MMP2: variants seen among roughly 807,000 people sequenced by gnomAD.
The protein encoded by MMP2 is 72 kDa type IV collagenase.
Under a neutral mutation model 74.8 loss-of-function variants are expected in MMP2, and 39 were observed. The observed-to-expected ratio is 0.52, with a 90% CI of 0.40 to 0.68. The LOEUF (loss-of-function observed/expected upper bound fraction) is 0.68. Ranked by LOEUF, MMP2 falls within the 30% of genes least tolerant of loss-of-function variation. The probability of loss-of-function intolerance (pLI) is 0.00; values close to 1 mark genes in which losing one functional copy is unlikely to be tolerated. For synonymous variants in MMP2, 367 were observed against 339.8 expected, an observed-to-expected ratio of 1.08 and a Z score of -0.88; for missense variants, 803 against 878.3, an observed-to-expected ratio of 0.91 and a Z score of 1.08.
chr16:55,489,533 G>A, intron 6 of MMP2, 118 bp from the exon 7 acceptor site: 1 of 1,259,556 alleles, frequency 7.9e-7, no homozygotes, highest in Non-Finnish European at 1.2e-6. Context: ...TAAAGATACA[G>A]TGCCTGGGAC....
At chr16:55,497,179 C>T in intron 10 of MMP2, 117 bp downstream of exon 10, 2 of 1,355,104 alleles carry the variant, frequency 1.5e-6, no homozygotes, top group South Asian at 2.4e-5. Flanking sequence ...CCCGTGGGTG[C>T]TCCCTTTCCT....
At chr16:55,496,290 G>C (rs1430498811) in intron 9 of MMP2, among the ~76,000 whole-genome samples, 4 of 152,172 alleles carry the variant, frequency 2.6e-5, no homozygotes, top group African/African-American at 9.7e-5. Context: ...AATGGGGGTA[G>C]GGGACACAGG....
chr16:55,491,090 C>G (rs12919236), intron 7 of MMP2, among the ~76,000 whole-genome samples: 1 of 147,550 alleles, frequency 6.8e-6, no homozygotes, highest in Non-Finnish European at 1.5e-5. Context: ...TTTTTTGAGA[C>G]GGAGTCTTGC....
chr16:55,490,634 G>A (rs1962382495), intron 7 of MMP2, among the ~76,000 whole-genome samples: 1 of 152,148 alleles, frequency 6.6e-6, no homozygotes, highest in African/African-American at 2.4e-5. Context: ...GCAGGTCCAG[G>A]GCCTGTCAGA....
rs764202049 is a variant in MMP2, at chr16:55,491,788, C to T, written c.1181-13C>T. ...CCTGTCTTTCAACCCTCTCTCCTCCCTGCAACCCTCAGGGTACAGCCTGTT... is the reference window on the plus strand; with the variant it reads ...CCTGTCTTTCAACCCTCTCTCCTCCTTGCAACCCTCAGGGTACAGCCTGTT... On this transcript the variant is annotated splice_polypyrimidine_tract_variant and intron_variant, in intron 7 of 12. Coordinates refer to ENST00000219070, the MANE Select transcript of MMP2 (RefSeq NM_004530.6). 2.5e-6 allele frequency: 4 copies of T among 1,614,068 alleles called. No homozygotes were observed. Among genetic ancestry groups the T allele is most frequent in the Admixed American group, 3.3e-5 (2 of 60,014 alleles).
At position 55,488,634 on chromosome 16, in the gene MMP2, G is replaced by C; in HGVS notation, c.924G>C (p.Glu308Asp). 1 of 1,613,810 alleles carries C rather than the reference G, an allele frequency of 6.2e-7. No homozygotes were observed. Among genetic ancestry groups the C allele is most frequent in the Admixed American group, 1.7e-5 (1 of 59,988 alleles). The change falls in exon 6 of 13, where the codon GAG becomes GAC. Residue 308 changes from glutamate to aspartate, a missense_variant. Around this residue, in one of 3 missense-constraint regions of MMP2, gnomAD observed 555 missense variants for 592.0 expected, o/e 0.94. Coordinates refer to ENST00000219070, the MANE Select transcript of MMP2 (RefSeq NM_004530.6). ...CATCCTATGACAGCTGCACCACTGA[G>C]GGCCGCACGGATGGCTACCGCTGGT... ...QGTSYDSCTTEGRTDGYRWCG... is the reference protein window; with the variant it reads ...QGTSYDSCTTDGRTDGYRWCG...
Position 55,489,668 on chromosome 16 carries a change from G to T in MMP2, c.1024G>T (p.Gly342Trp), listed in dbSNP as rs537651079. Residue 342 changes from glycine (G) to tryptophan (W), a missense_variant, in exon 7 of 13, where the codon GGG becomes TGG. Physicochemically the swap from Gly to Trp is radical, Grantham distance 184. Coordinates refer to ENST00000219070, the MANE Select transcript of MMP2 (RefSeq NM_004530.6). ...CPETAMSTVG[G>W]NSEGAPCVFP... is the part of the protein sequence containing the mutation. ...CCCCACAGCCATGTCCACTGTTGGT[G>T]GGAACTCAGAAGGTGCCCCCTGTGT... The T allele has an allele frequency of 6.2e-7, 1 of 1,614,132 alleles. No homozygotes were observed. Among genetic ancestry groups the T allele is most frequent in the African/African-American group, 1.3e-5 (1 of 75,030 alleles).
chr16:55,483,897 A>G, intron 2 of MMP2, 119 bp from the exon 3 acceptor site: 1 of 1,039,988 alleles, frequency 9.6e-7, no homozygotes, highest in Non-Finnish European at 1.5e-6. Flanking sequence ...ATATACTTGT[A>G]TGTTCACATA....
rs199698301 is a variant in MMP2, at chr16:55,505,200, CT to C, written c.1880-138del. The stretch of plus-strand genomic sequence containing the variant: ...GAACTCCTGGGCTCAAGCAATCCTC[CT>C]GCCTCAGCCTTTCAAAGCTCTCTTC... On this transcript the variant is annotated intron_variant, in intron 12 of 12. Transcript: ENST00000219070. The C allele has an allele frequency of 2.4e-3, 1,881 of 799,842 alleles. 26 individuals are homozygous for C. The highest frequency in any genetic ancestry group is 0.016 in the East Asian group (656 of 40,542). The allele number at this position is 799,842 out of a possible 1,614,324, so 49.5% of individuals were successfully genotyped here.
Position 55,479,295 on chromosome 16 carries a change from GGCGGGGGCTGGGGC to G in MMP2, c.-176_-163del. 2 of 549,674 alleles carry G rather than the reference GGCGGGGGCTGGGGC, an allele frequency of 3.6e-6. No individual in the cohort carries two copies. Among genetic ancestry groups the G allele is most frequent in the Non-Finnish European group, 5.3e-6 (2 of 377,740 alleles). The allele number at this position is 549,674 out of a possible 1,614,324, so 34.0% of individuals were successfully genotyped here. A position where few individuals can be genotyped will look rare whatever the true frequency, so the allele number is the denominator to read the frequency against. On this transcript the variant is annotated 5_prime_UTR_variant, in exon 1 of 13. Coordinates refer to ENST00000219070, the MANE Select transcript of MMP2 (RefSeq NM_004530.6). ...CAGGACCTGCGGCGGCGGCGGCGGC[GGCGGGGGCTGGGGC>G]GCGGGGGCCGGACCATGAGCCGCTG...
chr16:55,504,991 C>T (rs530518262), intron 12 of MMP2, among the ~76,000 whole-genome samples: 1 of 152,102 alleles, frequency 6.6e-6, no homozygotes, highest in East Asian at 1.9e-4. Context: ...CAAGGTCTTG[C>T]TCTATCACCC....
chr16:55,483,985 A>T, intron 2 of MMP2, 31 bp from the exon 3 acceptor site: 4 of 1,611,764 alleles, frequency 2.5e-6, no homozygotes, highest in African/African-American at 1.3e-5. Flanking sequence ...GCACATGCAT[A>T]CACACTCACA....
Position 55,488,944 on chromosome 16 carries a change from T to C in MMP2, c.1006+228T>C, listed in dbSNP as rs182622401. On this transcript the variant is annotated intron_variant, in intron 6 of 12. Transcript: ENST00000219070. ...CAGACATTGGGCATCAACAGTTGAATTGGTGACACTTAAATGTCAGGCCTG... is the reference window on the plus strand; with the variant it reads ...CAGACATTGGGCATCAACAGTTGAACTGGTGACACTTAAATGTCAGGCCTG... Among the ~76,000 whole-genome samples, 467 of 152,290 alleles carry C rather than the reference T, an allele frequency of 3.1e-3. 1 individual carries two copies. The highest frequency in any genetic ancestry group is 0.01 in the African/African-American group (434 of 41,560).
rs549382896 is a variant in MMP2, at chr16:55,500,415, A to G, written c.1769+1967A>G. ...GAAGAACTTTTTAAATCACTTTTCCATGCACTGTATCTATGTAAACATGCA... is the reference window on the plus strand; with the variant it reads ...GAAGAACTTTTTAAATCACTTTTCCGTGCACTGTATCTATGTAAACATGCA... On this transcript the variant is annotated intron_variant, in intron 11 of 12. Coordinates refer to ENST00000219070, the MANE Select transcript of MMP2 (RefSeq NM_004530.6). Among the ~76,000 whole-genome samples, 4 of 151,670 alleles carry G rather than the reference A, an allele frequency of 2.6e-5. No individual in the cohort carries two copies. The East Asian group carries it at 7.8e-4, about 30-fold the overall frequency.
chr16:55,489,119 G>A lies in MMP2; in HGVS notation c.1006+403G>A, dbSNP rs56826069. Among the ~76,000 whole-genome samples the A allele has an allele frequency of 1.8e-3, 279 of 152,038 alleles. 5 individuals carry two copies. The East Asian group carries it at 0.035, about 19-fold the overall frequency. On this transcript the variant is annotated intron_variant, in intron 6 of 12. Coordinates refer to ENST00000219070, the MANE Select transcript of MMP2 (RefSeq NM_004530.6). ...TAGTCTGTTTTTTATTAAGAGCTCC[G>A]TGCTTTCCTCCCTGTCTCCTTCCTG...
chr16:55,485,495 AC>A, intron 4 of MMP2, 68 bp downstream of exon 4: 2 of 1,613,104 alleles, frequency 1.2e-6, no homozygotes, highest in Non-Finnish European at 1.7e-6. Flanking sequence ...ATTTGCTTGG[AC>A]CAGAGAGGTG....
At chr16:55,483,479 A>G (rs17859866) in intron 2 of MMP2, among the ~76,000 whole-genome samples, 2,476 of 152,326 alleles carry the variant, frequency 0.016, 60 homozygotes, top group African/African-American at 0.056. Context: ...GCAAGAGTGT[A>G]GTAATGCTAG....
chr16:55,486,322 C>CGTGT (rs35367564), intron 5 of MMP2, among the ~76,000 whole-genome samples: 84 of 128,030 alleles, frequency 6.6e-4, no homozygotes, highest in South Asian at 2.8e-3. Flanking sequence ...TCTGCTAATG[C>CGTGT]GTGTGTGTGT....
intron 11 of MMP2, among the ~76,000 whole-genome samples, chr16:55,501,829 T>C (rs1962675152): frequency 6.6e-6 from 1 of 152,072 alleles, no homozygotes; most frequent in Non-Finnish European, 1.5e-5. Context: ...CGAACACAGA[T>C]TCATCTAGAA....
Sources: allele counts gnomAD v4.1 joint callset (sites outside exome capture counted in the v4.1 genomes callset), GRCh38; gene constraint gnomAD v4.1.1; regional missense constraint gnomAD v4.1.1; transcripts MANE v1.5; gene names NCBI Gene and HGNC (gene_info 2026-07-23, HGNC 2026-07-21).